TOP1MT: variants seen among roughly 807,000 people sequenced by gnomAD.
The protein encoded by TOP1MT is DNA topoisomerase I, mitochondrial.
Under a neutral mutation model 73.9 loss-of-function variants are expected in TOP1MT, and 80 were observed. The observed-to-expected ratio is 1.08, with a 90% CI of 0.90 to 1.30. The LOEUF (loss-of-function observed/expected upper bound fraction) is 1.30. TOP1MT is among the 50% of genes most tolerant of loss of function. The pLI is 0.00. For missense variants in TOP1MT, 815 were observed against 808.0 expected, an observed-to-expected ratio of 1.01 and a Z score of -0.10; for synonymous variants, 338 against 326.4, an observed-to-expected ratio of 1.04 and a Z score of -0.38.
rs1817178103 is a variant in TOP1MT, at chr8:143,344,053, C to T, written c.-38-767G>A. On this transcript the variant is annotated intron_variant, in intron 1 of 5. Coordinates refer to the TOP1MT transcript ENST00000518007. The surrounding 1 kb of genome is among the most constrained non-coding windows in gnomAD (Gnocchi z 4.6). ...GTTAGAGCCCTACTGAGGCAGAGGC[C>T]TGGGCCAGCCGAGAAAGGTGAGAGG... 6.6e-6 allele frequency: 1 copy of T among 152,298 alleles called. No individual in the cohort carries two copies. 9.4% of individuals were successfully genotyped at this position (152,298 alleles called of 1,614,324 possible). A position where few individuals can be genotyped will look rare whatever the true frequency, so the allele number is the denominator to read the frequency against.
chr8:143,335,171 G>A (rs1563768599), upstream of TOP1MT, among the ~76,000 whole-genome samples: 2 of 152,214 alleles, frequency 1.3e-5, no homozygotes, highest in Non-Finnish European at 1.5e-5. Context: ...CAGGTCACAC[G>A]ACCAGGCCAG....
chr8:143,342,841 G>C (rs182687221), intron 2 of TOP1MT, among the ~76,000 whole-genome samples: 8 of 144,008 alleles, frequency 5.6e-5, no homozygotes, highest in Non-Finnish European at 7.5e-5. Flanking sequence ...CTGGAGTGCA[G>C]TGGCGTGATC....
chr8:143,356,785 C>CAAAAAAAAA (rs1161995816), upstream of TOP1MT, among the ~76,000 whole-genome samples: 4 of 25,958 alleles, frequency 1.5e-4, no homozygotes, highest in African/African-American at 6.1e-4. Context: ...GACTCTGTCT[C>CAAAAAAAAA]AAAAAAAAAA....
chr8:143,356,567 C>T (rs1817411083), upstream of TOP1MT, among the ~76,000 whole-genome samples: 1 of 151,298 alleles, frequency 6.6e-6, no homozygotes, highest in Admixed American at 6.6e-5. Flanking sequence ...GCGGGCGGAT[C>T]ACAAGGTCAG....
chr8:143,326,492 G>A, intron 3 of TOP1MT, 148 bp from the exon 4 acceptor site: 1 of 1,046,054 alleles, frequency 9.6e-7, no homozygotes. Context: ...CGGTCCTGCG[G>A]CCCCGTAAAT....
At chr8:143,315,863 C>T (rs549287972) in intron 11 of TOP1MT, 42 bp from the exon 12 acceptor site, 14 of 1,606,196 alleles carry the variant, frequency 8.7e-6, no homozygotes, top group South Asian at 5.5e-5. Context: ...CTCCCCATCC[C>T]GCACCAGCCC....
Position 143,321,634 on chromosome 8 carries a change from A to AC in TOP1MT, c.961-249_961-248insG, listed in dbSNP as rs71313297. 3.1e-5 allele frequency among the ~76,000 whole-genome samples: 2 copies of AC among 65,270 alleles called. 1 individual carries two copies. Among genetic ancestry groups the AC allele is most frequent in the Admixed American group, 4.2e-4 (2 of 4,808 alleles). 42.8% of individuals were successfully genotyped at this position (65,270 alleles called of 152,430 possible). A position where few individuals can be genotyped will look rare whatever the true frequency, so the allele number is the denominator to read the frequency against. ...CGCACGCCACACGCACGCCACACAC[A>AC]GGCACGCCACACACAGGCACGCCAC... On this transcript the variant is annotated intron_variant, in intron 7 of 13. Transcript: ENST00000329245.
chr8:143,341,376 C>T lies in TOP1MT; in HGVS notation c.29+1844G>A, dbSNP rs184247193. Among the ~76,000 whole-genome samples, 151 of 152,284 alleles carry T rather than the reference C, an allele frequency of 9.9e-4. 1 individual carries two copies. Among genetic ancestry groups the T allele is most frequent in the African/African-American group, 3.2e-3 (135 of 41,562 alleles). On this transcript the variant is annotated intron_variant, in intron 2 of 5. Transcript: ENST00000518007. This position sits in a 1 kb window ranked among gnomAD's most constrained non-coding sequence, Gnocchi z 4.1. The stretch of plus-strand genomic sequence containing the variant: ...TCTCTTCTCTTGGGTGTCAGGACCC[C>T]GGGCACATCCACCAAGGGCCATCTT...
rs1283683454 is a variant in TOP1MT at position 143,332,038 on chromosome 8, C to A, written c.123-699G>T. Reference sequence around the variant, plus strand: ...CCCTCCCCAGGGCGCCCCCTTCTGGCAAGCCCAGCTCTGGAGATTGGGGGG... The same window carrying A: ...CCCTCCCCAGGGCGCCCCCTTCTGGAAAGCCCAGCTCTGGAGATTGGGGGG... On this transcript the variant is annotated intron_variant, in intron 1 of 13. Coordinates refer to ENST00000329245, the MANE Select transcript of TOP1MT (RefSeq NM_052963.3). Among the ~76,000 whole-genome samples, 10 of 150,864 alleles carry A rather than the reference C, an allele frequency of 6.6e-5. No individual in the cohort carries two copies. In the Admixed American group the frequency reaches 6.6e-4, roughly 10 times the overall value.
In TOP1MT at chr8:143,309,394, G is replaced by T. The variant is rs1815939297; in HGVS notation, c.*47C>A. On this transcript the variant is annotated 3_prime_UTR_variant, in exon 14 of 14. Transcript: ENST00000329245. ...AATTCCCCAGTACTGCTTTAATAGT[G>T]AAAAAAACACACACACATACAAAAG... The T allele has an allele frequency of 1.3e-6, 2 of 1,589,332 alleles. No individual in the cohort carries two copies. Among genetic ancestry groups the T allele is most frequent in the South Asian group, 1.1e-5 (1 of 90,432 alleles).
chr8:143,335,331 A>AG (rs1816964198), upstream of TOP1MT, among the ~76,000 whole-genome samples: 1 of 152,160 alleles, frequency 6.6e-6, no homozygotes. Context: ...CCCTACAAAC[A>AG]GCAGCACTTC....
Position 143,325,376 on chromosome 8 carries a change from G to A in TOP1MT, c.641C>T (p.Thr214Met), listed in dbSNP as rs371662022. 35 of 1,605,738 alleles carry A rather than the reference G, an allele frequency of 2.2e-5. No individual in the cohort carries two copies. The highest frequency in any genetic ancestry group is 2.7e-5 in the African/African-American group (2 of 74,804). Residue 214 changes from threonine to methionine, a missense_variant, in exon 5 of 14, where the codon ACG becomes ATG. Thr to Met is a moderately conservative substitution (Grantham distance 81). This residue lies in a region of TOP1MT where 751 missense variants were observed against 725.4 expected (regional missense o/e 1.04). Transcript: ENST00000329245. ...PKMGMLKRRITPEDVVINCSR... is the reference protein window; with the variant it reads ...PKMGMLKRRIMPEDVVINCSR... ...GCAGTTGATAACCACATCCTCTGGC[G>A]TGATCCTTCTCTTCAGCATCCCCAT...
chr8:143,323,873 C>T (rs67074137), intron 7 of TOP1MT, 126 bp downstream of exon 7: 2 of 1,033,386 alleles, frequency 1.9e-6, no homozygotes, highest in South Asian at 3.0e-5. Context: ...ATGCACACAC[C>T]CCCCCCATCA....
intron 2 of TOP1MT, among the ~76,000 whole-genome samples, chr8:143,342,840 A>C (rs978541792): frequency 6.7e-6 from 1 of 148,524 alleles, no homozygotes; most frequent in Non-Finnish European, 1.5e-5. Flanking sequence ...GCTGGAGTGC[A>C]GTGGCGTGAT....
chr8:143,332,722 T>C, intron 1 of TOP1MT: 1 of 482,308 alleles, frequency 2.1e-6, no homozygotes. Context: ...TAGGGAGAAG[T>C]TAACGGGCTC....
chr8:143,327,685 AC>A, intron 3 of TOP1MT: 2 of 384,288 alleles, frequency 5.2e-6, no homozygotes, highest in Non-Finnish European at 5.2e-6. Flanking sequence ...AGAAGTGCTG[AC>A]CAGAGGGAGA....
chr8:143,344,203 C>T lies in TOP1MT; in HGVS notation c.-39+713G>A, dbSNP rs1370561330. ...CTGTGCTTGAGAAGACAGAAGGAGC[C>T]GCTTCACCGAAACGAGAGGACTAGG... is the stretch of plus-strand genomic sequence containing the variant. On this transcript the variant is annotated intron_variant, in intron 1 of 5. Transcript: ENST00000518007. This position sits in a 1 kb window ranked among gnomAD's most constrained non-coding sequence, Gnocchi z 4.6. The T allele has an allele frequency of 6.6e-6, 1 of 152,148 alleles. No homozygotes were observed. The highest frequency in any genetic ancestry group is 2.4e-5 in the African/African-American group (1 of 41,400). 9.4% of individuals were successfully genotyped at this position (152,148 alleles called of 1,614,324 possible).
At chr8:143,323,330 C>T (rs1224022630) in intron 7 of TOP1MT, among the ~76,000 whole-genome samples, 1 of 112,114 alleles carries the variant, frequency 8.9e-6, no homozygotes, top group Non-Finnish European at 1.8e-5. Flanking sequence ...ACGCCACACA[C>T]ATGCACGCCA....
At chr8:143,309,896 G>C in intron 13 of TOP1MT, 172 bp downstream of exon 13, 9 of 1,569,676 alleles carry the variant, frequency 5.7e-6, no homozygotes, top group Non-Finnish European at 7.7e-6. Flanking sequence ...GTTCAGGGCA[G>C]GGAGAGCTGA....
Sources: gnomAD v4.1 joint callset for allele counts (sites outside exome capture counted in the v4.1 genomes callset) on GRCh38, gnomAD v4.1.1 for gene constraint, gnomAD v4.1.1 regional missense constraint, Gnocchi (gnomAD v3.1) non-coding constraint, MANE v1.5 for transcripts, NCBI Gene and HGNC (gene_info 2026-07-23, HGNC 2026-07-21) for gene names.